CSGALNACT1: variants seen among roughly 807,000 people sequenced by gnomAD.
CSGALNACT1 encodes chondroitin sulfate N-acetylgalactosaminyltransferase 1.
In CSGALNACT1, 52 loss-of-function variants were observed where a neutral mutation model predicts 51.0. The ratio of observed to expected loss-of-function variants is 1.02; its 90% CI spans 0.82 to 1.29. The LOEUF is 1.29. CSGALNACT1 is among the 50% of genes most tolerant of loss of function. The probability of loss-of-function intolerance (pLI) is 0.00; values close to 1 mark genes in which losing one functional copy is unlikely to be tolerated. For missense variants in CSGALNACT1, 935 were observed against 679.2 expected (o/e 1.38, Z -4.19); for synonymous variants, 341 against 254.4 (o/e 1.34, Z -3.24).
intron 4 of CSGALNACT1, among the ~76,000 whole-genome samples, chr8:19,481,935 A>G (rs1376509833): frequency 6.6e-6 from 1 of 152,246 alleles, no homozygotes; most frequent in African/African-American, 2.4e-5. Context: ...TAAGGGTTTC[A>G]AAATGCTGGC....
intron 1 of CSGALNACT1, among the ~76,000 whole-genome samples, chr8:19,697,725 G>A (rs2061655395): frequency 6.6e-6 from 1 of 152,132 alleles, no homozygotes; most frequent in African/African-American, 2.4e-5. Flanking sequence ...TCCACTGTGG[G>A]ACATGTGGAC....
intron 1 of CSGALNACT1, among the ~76,000 whole-genome samples, chr8:19,706,742 G>C (rs1056361376): frequency 6.6e-6 from 1 of 152,090 alleles, no homozygotes; most frequent in African/African-American, 2.4e-5. Flanking sequence ...TCCTCACCAA[G>C]CCTCCCTAGT....
In CSGALNACT1 at chr8:19,546,504, G is replaced by A. The variant is rs543660751; in HGVS notation, c.-296-40374C>T. Among the ~76,000 whole-genome samples, 10 of 152,258 alleles carry A rather than the reference G, an allele frequency of 6.6e-5. No homozygotes were observed. In the South Asian group the frequency reaches 1.5e-3, roughly 22 times the overall value. ...CAATGAAATAGGGAAGTATCACTAAGAATTAAGGATGGAACACAAAGCTAA... is the reference window on the plus strand; with the variant it reads ...CAATGAAATAGGGAAGTATCACTAAAAATTAAGGATGGAACACAAAGCTAA... On this transcript the variant is annotated intron_variant, in intron 3 of 9. Transcript: ENST00000454498.
At chr8:19,570,927 A>T (rs1380645592) in intron 3 of CSGALNACT1, among the ~76,000 whole-genome samples, 1 of 152,150 alleles carries the variant, frequency 6.6e-6, no homozygotes, top group Non-Finnish European at 1.5e-5. Flanking sequence ...ACAAACAAAC[A>T]AACAAAAACA....
chr8:19,593,524 A>G (rs1790627775), intron 2 of CSGALNACT1, among the ~76,000 whole-genome samples: 1 of 152,086 alleles, frequency 6.6e-6, no homozygotes, highest in Admixed American at 6.6e-5. Context: ...GGACTACACT[A>G]GGGCCATCTG....
chr8:19,538,802 G>A (rs766155054), intron 3 of CSGALNACT1, among the ~76,000 whole-genome samples: 9 of 152,018 alleles, frequency 5.9e-5, no homozygotes, highest in Non-Finnish European at 2.9e-5. Context: ...TCCTATCCTG[G>A]TTCCGTTGCT....
intron 1 of CSGALNACT1, among the ~76,000 whole-genome samples, chr8:19,753,721 T>A (rs563385496): frequency 6.6e-6 from 1 of 152,290 alleles, no homozygotes; most frequent in South Asian, 2.1e-4. Flanking sequence ...CGAATTAAGT[T>A]TCATGGAAAA....
At chr8:19,405,446 A>C (rs1368723566) in exon 10 of CSGALNACT1, 1 of 496,424 alleles carries the variant, frequency 2.0e-6, no homozygotes, top group Non-Finnish European at 3.9e-6. Context: ...ACTGCTCTTA[A>C]ATCATGAATA....
chr8:19,690,434 T>A (rs1043744775), intron 1 of CSGALNACT1, among the ~76,000 whole-genome samples: 2 of 152,020 alleles, frequency 1.3e-5, no homozygotes, highest in Admixed American at 6.6e-5. Flanking sequence ...GAAAAAAAAA[T>A]GACAAAAGCT....
At chr8:19,652,819 G>T (rs551629497) in intron 1 of CSGALNACT1, among the ~76,000 whole-genome samples, 1 of 152,010 alleles carries the variant, frequency 6.6e-6, no homozygotes, top group African/African-American at 2.4e-5. Flanking sequence ...TGACTTCTCC[G>T]CAGCAACGGA....
chr8:19,600,776 T>A (rs2050236942), intron 2 of CSGALNACT1, among the ~76,000 whole-genome samples: 1 of 152,032 alleles, frequency 6.6e-6, no homozygotes, highest in African/African-American at 2.4e-5. Flanking sequence ...AATCAAATCA[T>A]TAACTACTCT....
intron 1 of CSGALNACT1, among the ~76,000 whole-genome samples, chr8:19,634,818 C>G (rs974583470): frequency 6.6e-6 from 1 of 152,188 alleles, no homozygotes; most frequent in African/African-American, 2.4e-5. Flanking sequence ...GCCTCTAGAC[C>G]TATGAGAAAA....
intron 3 of CSGALNACT1, among the ~76,000 whole-genome samples, chr8:19,524,435 T>G (rs545924044): frequency 6.6e-6 from 1 of 152,328 alleles, no homozygotes; most frequent in Non-Finnish European, 1.5e-5. Context: ...GCCTAATTTT[T>G]TTTTCTAGAT....
intron 6 of CSGALNACT1, among the ~76,000 whole-genome samples, chr8:19,436,409 T>A (rs1424104566): frequency 6.6e-6 from 1 of 152,134 alleles, no homozygotes. Context: ...ACAGCCTGAG[T>A]AACGACCTCA....
intron 1 of CSGALNACT1, among the ~76,000 whole-genome samples, chr8:19,633,827 G>A (rs1262677428): frequency 6.6e-6 from 1 of 152,180 alleles, no homozygotes; most frequent in East Asian, 1.9e-4. Context: ...AGTCAAACAG[G>A]GGTTCAAACC....
rs186628675 is a variant in CSGALNACT1 at position 19,722,748 on chromosome 8, A to T, written c.-297+35102T>A. 2.8e-3 allele frequency among the ~76,000 whole-genome samples: 434 copies of T among 152,314 alleles called. 3 individuals carry two copies. The highest frequency in any genetic ancestry group is 0.01 in the African/African-American group (422 of 41,572). ...CCCTCGGAGAGACTCACATTAACCA[A>T]GCCCAAAGTGCTGGGTATGACTACA... On this transcript the variant is annotated intron_variant, in intron 1 of 1. Transcript: ENST00000517494.
intron 3 of CSGALNACT1, among the ~76,000 whole-genome samples, chr8:19,541,243 CTAATT>C: frequency 7.2e-6 from 1 of 138,016 alleles, no homozygotes; most frequent in African/African-American, 2.8e-5. Context: ...CCAAACTTGG[CTAATT>C]TTTTTTTTTT....
intron 5 of CSGALNACT1, among the ~76,000 whole-genome samples, chr8:19,457,111 G>T (rs544598854): frequency 2.6e-5 from 4 of 152,164 alleles, no homozygotes; most frequent in Non-Finnish European, 5.9e-5. Flanking sequence ...AGAACCCTAC[G>T]TCAGAAAGAC....
rs142968679 is a variant in CSGALNACT1 at position 19,563,239 on chromosome 8, G to C, written c.-297+27921C>G. On this transcript the variant is annotated intron_variant, in intron 3 of 9. Coordinates refer to ENST00000454498, the Ensembl canonical transcript of CSGALNACT1. ...GGGAGTTGAACAATGAGAACATATG[G>C]ACACAGGGAGGGGAACGACACACAA... Among the ~76,000 whole-genome samples the C allele has an allele frequency of 3.0e-3, 453 of 152,180 alleles. 1 individual carries two copies. The highest frequency in any genetic ancestry group is 5.5e-3 in the Non-Finnish European group (373 of 68,008).
Sources: gnomAD v4.1 joint callset for allele counts (sites outside exome capture counted in the v4.1 genomes callset) on GRCh38, gnomAD v4.1.1 for gene constraint, MANE v1.5 for transcripts, NCBI Gene and HGNC (gene_info 2026-07-23, HGNC 2026-07-21) for gene names.